PLEKHG4B: variants seen among roughly 807,000 people sequenced by gnomAD.
PLEKHG4B encodes pleckstrin homology and RhoGEF domain containing G4B.
PLEKHG4B carries 111 observed loss-of-function variants against 121.3 expected under a neutral mutation model. The ratio of observed to expected loss-of-function variants is 0.92; its 90% confidence interval spans 0.78 to 1.07. The LOEUF (loss-of-function observed/expected upper bound fraction) is 1.07, where lower values mean the gene tolerates loss of function less well. PLEKHG4B is among the 50% of genes least tolerant of loss of function. PLEKHG4B has a pLI of 0.00. For synonymous variants in PLEKHG4B, 738 were observed against 725.0 expected, an observed-to-expected ratio of 1.02 and a Z score of -0.29; for missense variants, 1,831 against 1,757.8, an observed-to-expected ratio of 1.04 and a Z score of -0.74.
intron 17 of PLEKHG4B, among the ~76,000 whole-genome samples, 196 bp from the exon 18 acceptor site, chr5:173,722 C>A (rs1016242452): frequency 6.6e-6 from 1 of 152,160 alleles, no homozygotes; most frequent in Non-Finnish European, 1.5e-5. Context: ...ATCCTGCACA[C>A]AGGCACTCTC....
chr5:172,922 T>A lies in PLEKHG4B; in HGVS notation c.4076T>A (p.Leu1359Gln), dbSNP rs1736614394. 3.1e-6 allele frequency: 5 copies of A among 1,613,998 alleles called. No individual in the cohort carries two copies. The highest frequency in any genetic ancestry group is 4.2e-6 in the Non-Finnish European group (5 of 1,179,954). The change falls in exon 17 of 20, where the codon CTG (leucine) becomes CAG (glutamine). Residue 1359 changes from leucine (L) to glutamine (Q), a missense_variant. Leu to Gln is a moderately radical substitution (Grantham distance 113). Transcript: ENST00000637938. ...GTGAATTTGAAGGAACAGGGGCAGC[T>A]GAGATGCCGGGATGAGTTTATCGTT... is the stretch of plus-strand genomic sequence containing the variant. ...CDVNLKEQGQ[L>Q]RCRDEFIVCC...
At chr5:120,973 G>A (rs929574324) in intron 2 of PLEKHG4B, among the ~76,000 whole-genome samples, 4 of 152,204 alleles carry the variant, frequency 2.6e-5, no homozygotes, top group Admixed American at 6.5e-5. Context: ...TGGGCCAGGT[G>A]TGGTGGCTCA....
intron 11 of PLEKHG4B, among the ~76,000 whole-genome samples, chr5:158,727 T>C (rs1735887730): frequency 7.2e-6 from 1 of 137,952 alleles, no homozygotes; most frequent in African/African-American, 2.8e-5. Context: ...CTTCCCTTCC[T>C]CGTTCTACTC....
rs1397763237 is a variant in PLEKHG4B at position 163,469 on chromosome 5, C to T, written c.3397C>T (p.Pro1133Ser). The change falls in exon 13 of 20, where the codon CCG becomes TCG. Residue 1133 changes from proline (P) to serine (S), a missense_variant. Transcript: ENST00000637938. ...LPLWQHARSPPVTQSRSLSSP... is the reference protein window; with the variant it reads ...LPLWQHARSPSVTQSRSLSSP... Reference sequence around the variant, plus strand: ...GCTGTGGCAGCATGCCAGGAGCCCCCCGGTCACTCAGAGCCGGAGTCTGTC... The same window carrying T: ...GCTGTGGCAGCATGCCAGGAGCCCCTCGGTCACTCAGAGCCGGAGTCTGTC... The T allele has an allele frequency of 3.1e-6, 5 of 1,612,718 alleles. No homozygotes were observed. Among genetic ancestry groups the T allele is most frequent in the Non-Finnish European group, 4.2e-6 (5 of 1,180,006 alleles).
intron 6 of PLEKHG4B, among the ~76,000 whole-genome samples, chr5:146,624 A>C (rs1579288296): frequency 2.4e-5 from 1 of 41,288 alleles, no homozygotes; most frequent in Admixed American, 3.5e-4. Flanking sequence ...CCAACCCTGC[A>C]GTTCTCCTTC....
chr5:97,205 C>G (rs1228186983), intron 1 of PLEKHG4B, among the ~76,000 whole-genome samples: 1 of 152,006 alleles, frequency 6.6e-6, no homozygotes, highest in Admixed American at 6.6e-5. Context: ...TTCCTCATTC[C>G]AAAGTCCAAA....
intron 13 of PLEKHG4B, among the ~76,000 whole-genome samples, chr5:166,457 G>A (rs1454020404): frequency 8.8e-6 from 1 of 113,826 alleles, no homozygotes; most frequent in African/African-American, 3.6e-5. Flanking sequence ...CTCTGACGGG[G>A]CGGAGCTCAC....
At chr5:130,050 G>C (rs571582856) in intron 2 of PLEKHG4B, among the ~76,000 whole-genome samples, 1 of 147,356 alleles carries the variant, frequency 6.8e-6, no homozygotes, top group South Asian at 2.1e-4. Context: ...AGATGAGTCA[G>C]AGTGAATATG....
chr5:160,272 C>G (rs1279708569), intron 11 of PLEKHG4B, among the ~76,000 whole-genome samples: 1 of 152,268 alleles, frequency 6.6e-6, no homozygotes, highest in Non-Finnish European at 1.5e-5. Flanking sequence ...CCTCCCCTCT[C>G]TGCTGTTAGA....
At chr5:173,870 A>T in intron 17 of PLEKHG4B, 48 bp from the exon 18 acceptor site, 1 of 1,587,504 alleles carries the variant, frequency 6.3e-7, no homozygotes, top group Middle Eastern at 1.7e-4. Context: ...CCAGTTGTTC[A>T]GAGACCATGT....
intron 1 of PLEKHG4B, among the ~76,000 whole-genome samples, chr5:111,125 C>T (rs1241989849): frequency 1.3e-5 from 2 of 152,278 alleles, no homozygotes; most frequent in East Asian, 3.8e-4. Flanking sequence ...TCCCCAGAAT[C>T]GGGATGCTGC....
At chr5:106,563 A>G (rs1733979251) in intron 1 of PLEKHG4B, among the ~76,000 whole-genome samples, 1 of 152,212 alleles carries the variant, frequency 6.6e-6, no homozygotes, top group Non-Finnish European at 1.5e-5. Flanking sequence ...GCACTTTGTA[A>G]TTGTCCACAG....
At chr5:114,630 G>T (rs1211603232) in intron 2 of PLEKHG4B, among the ~76,000 whole-genome samples, 3 of 152,084 alleles carry the variant, frequency 2.0e-5, no homozygotes, top group Non-Finnish European at 2.9e-5. Flanking sequence ...GCTGATTTTT[G>T]TGTTTTTAGT....
In PLEKHG4B at chr5:125,833, T is replaced by C. The variant is rs1245171965; in HGVS notation, c.243+12385T>C. ...AGCTTTTGTTTATCTGGGAATGTCT[T>C]AATTTCACTCTCACTTTTGAAGCAT... On this transcript the variant is annotated intron_variant, in intron 2 of 19. Coordinates refer to ENST00000637938, the MANE Select transcript of PLEKHG4B (RefSeq NM_052909.5). 2.0e-5 allele frequency among the ~76,000 whole-genome samples: 3 copies of C among 152,314 alleles called. No homozygotes were observed. The East Asian group carries it at 5.8e-4, about 29-fold the overall frequency.
intron 1 of PLEKHG4B, among the ~76,000 whole-genome samples, chr5:105,924 C>G (rs980304766): frequency 1.3e-5 from 2 of 152,242 alleles, no homozygotes; most frequent in East Asian, 3.8e-4. Context: ...CTGTCCTGCT[C>G]TGTCGTGGGA....
At chr5:181,978 C>G in intron 19 of PLEKHG4B, 26 bp from the exon 20 acceptor site, 7 of 1,603,918 alleles carry the variant, frequency 4.4e-6, no homozygotes, top group Non-Finnish European at 6.0e-6. Context: ...GGAAGCCAGC[C>G]TGACGTGCTT....
At chr5:100,745 A>G (rs1733780513) in intron 1 of PLEKHG4B, among the ~76,000 whole-genome samples, 1 of 74,068 alleles carries the variant, frequency 1.4e-5, no homozygotes, top group African/African-American at 8.4e-5. Context: ...TGTGAGGTTA[A>G]TCCATATAAA....
intron 2 of PLEKHG4B, among the ~76,000 whole-genome samples, chr5:114,320 T>A (rs1161813727): frequency 6.6e-6 from 1 of 152,228 alleles, no homozygotes; most frequent in Non-Finnish European, 1.5e-5. Flanking sequence ...TTACCCACCA[T>A]AGAACTTCGT....
chr5:151,175 T>C (rs574327109), intron 6 of PLEKHG4B, among the ~76,000 whole-genome samples: 13 of 152,308 alleles, frequency 8.5e-5, no homozygotes, highest in Non-Finnish European at 1.6e-4. Flanking sequence ...AGGGCTTGGC[T>C]ACGAAGAGGC....
Sources: gnomAD v4.1 joint callset for allele counts (sites outside exome capture counted in the v4.1 genomes callset) on GRCh38, gnomAD v4.1.1 for gene constraint, MANE v1.5 for transcripts, NCBI Gene and HGNC (gene_info 2026-07-23, HGNC 2026-07-21) for gene names.